The following SLC28A1 variants were observed in gnomAD, a reference collection of about 807,000 sequenced individuals.
SLC28A1 encodes sodium/nucleoside cotransporter 1.
Under a neutral mutation model 74.8 loss-of-function variants are expected in SLC28A1, and 64 were observed. The ratio of observed to expected loss-of-function variants is 0.86; its 90% CI spans 0.70 to 1.05. SLC28A1 has a LOEUF of 1.05. SLC28A1 is among the 50% of genes least tolerant of loss of function. The pLI, the probability that SLC28A1 is intolerant of heterozygous loss-of-function variation, is 0.00. For synonymous variants in SLC28A1, 359 were observed against 335.0 expected, an observed-to-expected ratio of 1.07 and a Z score of -0.78; for missense variants, 828 against 822.8, an observed-to-expected ratio of 1.01 and a Z score of -0.08.
the SLC28A1 span, among the ~76,000 whole-genome samples, chr15:84,970,070 G>A: frequency 6.6e-6 from 1 of 152,158 alleles, no homozygotes; most frequent in Non-Finnish European, 1.5e-5. Context: ...ATGGTTCTAG[G>A]GTTGGTGAAT....
At chr15:84,930,050 A>G (rs572437464) in intron 12 of SLC28A1, among the ~76,000 whole-genome samples, 2 of 152,352 alleles carry the variant, frequency 1.3e-5, no homozygotes, top group Non-Finnish European at 1.5e-5. Context: ...AGCCCTTTCC[A>G]TGATGAGCTG....
At chr15:84,887,598 G>T in intron 2 of SLC28A1, 147 bp from the exon 3 acceptor site, 1 of 1,518,314 alleles carries the variant, frequency 6.6e-7, no homozygotes, top group Non-Finnish European at 8.8e-7. Flanking sequence ...TGAGCTCTGG[G>T]ATGGCATAGG....
In SLC28A1 at chr15:84,944,638, T is replaced by A. The variant is rs781251990; in HGVS notation, c.1736T>A (p.Val579Glu). The A allele has an allele frequency of 6.2e-7, 1 of 1,614,018 alleles. No individual in the cohort carries two copies. The highest frequency in any genetic ancestry group is 8.5e-7 in the Non-Finnish European group (1 of 1,179,846). The change falls in exon 17 of 19, where the codon GTG becomes GAG. Residue 579 changes from valine to glutamate, a missense_variant. Transcript: ENST00000394573. The part of the protein sequence containing the change: ...VLRALFTGAC[V>E]SLVNACMAGI... The stretch of plus-strand genomic sequence containing the variant: ...CGGGCGCTCTTCACGGGAGCCTGTG[T>A]GTCCCTGGTGAACGCCTGTATGGCA...
intron 8 of SLC28A1, among the ~76,000 whole-genome samples, chr15:84,908,276 C>T (rs890147835): frequency 2.6e-4 from 39 of 150,252 alleles, no homozygotes; most frequent in Admixed American, 2.4e-3. Context: ...CTCTGCCTCC[C>T]GGGTTCAAGC....
chr15:84,890,126 C>T (rs1314664765), intron 4 of SLC28A1, among the ~76,000 whole-genome samples: 5 of 74,898 alleles, frequency 6.7e-5, no homozygotes, highest in Non-Finnish European at 1.7e-4. Flanking sequence ...TGAGCCACCG[C>T]GCCCCCCCAC....
At chr15:84,917,027 CAA>C (rs71466062) in intron 9 of SLC28A1, among the ~76,000 whole-genome samples, 2 of 27,706 alleles carry the variant, frequency 7.2e-5, no homozygotes, top group South Asian at 3.2e-3. Context: ...GATTCTGTCT[CAA>C]AAAAAAAAAA....
chr15:84,921,267 G>A (rs17537076), intron 11 of SLC28A1, among the ~76,000 whole-genome samples, 198 bp downstream of exon 11: 37,764 of 152,038 alleles, frequency 0.25, 6,215 homozygotes, highest in Middle Eastern at 0.41. Flanking sequence ...TCATCTGTCT[G>A]GCTTCTCTTA....
chr15:84,959,231 AG>A, the SLC28A1 span, among the ~76,000 whole-genome samples: 1 of 151,936 alleles, frequency 6.6e-6, no homozygotes, highest in Non-Finnish European at 1.5e-5. Flanking sequence ...CTGCCTCCCA[AG>A]TAGCTGGGAT....
At chr15:84,945,076 C>T (rs745603186) in intron 18 of SLC28A1, 49 bp from the exon 19 acceptor site, 33 of 1,541,236 alleles carry the variant, frequency 2.1e-5, no homozygotes, top group Middle Eastern at 1.7e-4. Context: ...GGTGGTGGCC[C>T]GCAGAACCAG....
chr15:84,907,171 C>T (rs1282492386), intron 8 of SLC28A1, among the ~76,000 whole-genome samples: 1 of 152,178 alleles, frequency 6.6e-6, no homozygotes, highest in African/African-American at 2.4e-5. Flanking sequence ...CAGAAGACAG[C>T]TTAGTTTTGA....
chr15:84,929,682 T>C (rs1971054844), intron 12 of SLC28A1, among the ~76,000 whole-genome samples: 1 of 152,142 alleles, frequency 6.6e-6, no homozygotes, highest in African/African-American at 2.4e-5. Context: ...GGGAGACCCC[T>C]ATCTCCACAA....
chr15:84,911,856 C>A (rs1968280212), intron 9 of SLC28A1, among the ~76,000 whole-genome samples: 1 of 24,298 alleles, frequency 4.1e-5, no homozygotes, highest in African/African-American at 1.2e-4. Flanking sequence ...GAGACTCCAT[C>A]TCAAAAAAAA....
intron 15 of SLC28A1, chr15:84,940,553 C>G (rs1972536563): frequency 6.5e-6 from 1 of 153,242 alleles, no homozygotes; most frequent in African/African-American, 2.4e-5. Context: ...TCATCCTCTT[C>G]CTCTTTCTCA....
chr15:84,931,519 G>C lies in SLC28A1; in HGVS notation c.1084-1626G>C, dbSNP rs537032469. Among the ~76,000 whole-genome samples the C allele has an allele frequency of 5.3e-5, 8 of 151,148 alleles. No individual in the cohort carries two copies. In the South Asian group the frequency reaches 1.5e-3, roughly 28 times the overall value. On this transcript the variant is annotated intron_variant, in intron 12 of 18. Transcript: ENST00000394573. ...AAAAAAAAATTAGCTGGGCGTGGTG[G>C]TGGGCGCCTGTAGTCCCAGCTACTT...
chr15:84,970,463 G>A, the SLC28A1 span, among the ~76,000 whole-genome samples: 9 of 152,202 alleles, frequency 5.9e-5, no homozygotes, highest in African/African-American at 2.2e-4. Context: ...AGGAAGAAAA[G>A]TGGGAAGTAG....
At chr15:84,910,741 C>T (rs1968072895) in intron 9 of SLC28A1, among the ~76,000 whole-genome samples, 1 of 152,056 alleles carries the variant, frequency 6.6e-6, no homozygotes, top group Non-Finnish European at 1.5e-5. Context: ...CAAAACAAAA[C>T]AAAACAAAAC....
chr15:84,911,329 G>A (rs1245670938), intron 9 of SLC28A1, among the ~76,000 whole-genome samples: 1 of 152,222 alleles, frequency 6.6e-6, no homozygotes, highest in Non-Finnish European at 1.5e-5. Context: ...CCAGGAGGGA[G>A]CTCAGTGGTG....
the SLC28A1 span, among the ~76,000 whole-genome samples, chr15:84,973,718 A>T: frequency 5.3e-5 from 8 of 152,298 alleles, no homozygotes; most frequent in Non-Finnish European, 8.8e-5. Flanking sequence ...GCGTAGTTGC[A>T]TGATGTCTGC....
chr15:84,946,108 A>ATTT (rs1567196454), downstream of SLC28A1, among the ~76,000 whole-genome samples: 1 of 11,124 alleles, frequency 9.0e-5, no homozygotes, highest in African/African-American at 2.7e-4. Context: ...ATATATATAT[A>ATTT]TATATTTTTT....
Sources: gnomAD v4.1 joint callset for allele counts (sites outside exome capture counted in the v4.1 genomes callset) on GRCh38, gnomAD v4.1.1 for gene constraint, MANE v1.5 for transcripts, NCBI Gene and HGNC (gene_info 2026-07-23, HGNC 2026-07-21) for gene names.